SLIT3: variants seen among roughly 807,000 people sequenced by gnomAD.
The protein encoded by SLIT3 is slit guidance ligand 3.
SLIT3 carries 68 observed loss-of-function variants against 184.0 expected under a neutral mutation model. That is an observed-to-expected ratio of 0.37 (90% CI 0.30 to 0.45). The LOEUF (loss-of-function observed/expected upper bound fraction) is 0.45, where lower values mean the gene tolerates loss of function less well. Ranked by LOEUF, SLIT3 falls within the 20% of genes least tolerant of loss-of-function variation. The probability of loss-of-function intolerance (pLI) is 1.00; values close to 1 mark genes in which losing one functional copy is unlikely to be tolerated. For synonymous variants in SLIT3, 831 were observed against 828.6 expected, an observed-to-expected ratio of 1.00 and a Z score of -0.05; for missense variants, 1,707 against 2,026.0, an observed-to-expected ratio of 0.84 and a Z score of 3.02.
intron 3 of SLIT3, among the ~76,000 whole-genome samples, chr5:169,232,955 A>C (rs1047486548): frequency 6.6e-6 from 1 of 152,104 alleles, no homozygotes; most frequent in Non-Finnish European, 1.5e-5. Flanking sequence ...TTCTTCCAGT[A>C]ATGTCTGTCT....
chr5:169,190,909 A>T (rs923795316), intron 4 of SLIT3, among the ~76,000 whole-genome samples: 1 of 152,226 alleles, frequency 6.6e-6, no homozygotes, highest in Admixed American at 6.5e-5. Context: ...GAGGGCCATT[A>T]AGAAAAATCA....
At chr5:168,914,599 C>T (rs1316164555) in intron 4 of SLIT3, among the ~76,000 whole-genome samples, 1 of 152,184 alleles carries the variant, frequency 6.6e-6, no homozygotes, top group African/African-American at 2.4e-5. Context: ...CCAACTCTGC[C>T]ACTCGTTTTG....
intron 4 of SLIT3, among the ~76,000 whole-genome samples, chr5:169,093,885 A>G (rs1415162347): frequency 6.6e-6 from 1 of 152,234 alleles, no homozygotes; most frequent in African/African-American, 2.4e-5. Context: ...AGTAAAAATT[A>G]TTTCTTAAAA....
intron 2 of SLIT3, among the ~76,000 whole-genome samples, chr5:169,246,232 C>A (rs1765584834): frequency 6.6e-6 from 1 of 152,186 alleles, no homozygotes; most frequent in African/African-American, 2.4e-5. Flanking sequence ...GGGTCCCCAG[C>A]CCCACAGTTT....
chr5:169,169,312 G>T (rs1226340063), intron 4 of SLIT3, among the ~76,000 whole-genome samples: 1 of 152,060 alleles, frequency 6.6e-6, no homozygotes, highest in East Asian at 1.9e-4. Flanking sequence ...AATCCGAGTG[G>T]GCATCCAGGA....
chr5:168,722,263 G>A lies in SLIT3; in HGVS notation c.2476C>T (p.Arg826Ter). 2 of 1,613,954 alleles carry A rather than the reference G, an allele frequency of 1.2e-6. No homozygotes were observed. The highest frequency in any genetic ancestry group is 1.3e-5 in the African/African-American group (1 of 75,012). Residue 826 changes from arginine (R) to a stop codon, truncating the protein, a stop_gained, in exon 23 of 36, where the codon CGA becomes TGA. Transcript: ENST00000519560. LOFTEE classifies it high-confidence loss of function. Reference sequence around the variant, plus strand: ...GCACATTGGGGTACTCACAGCACTCGCAGGGACCGCAGCCCGTTGAAGGCG... The same window carrying A: ...GCACATTGGGGTACTCACAGCACTCACAGGGACCGCAGCCCGTTGAAGGCG... Reference protein sequence around the residue: ...VHAFNGLRSLRVLTLHGNDIS... With the variant: ...VHAFNGLRSL
At chr5:168,749,770 G>T (rs917095168) in intron 18 of SLIT3, 135 bp from the exon 19 acceptor site, 5 of 860,766 alleles carry the variant, frequency 5.8e-6, no homozygotes, top group Non-Finnish European at 9.0e-6. Flanking sequence ...TTCCCCAGAT[G>T]CAGTCTCTGT....
intron 4 of SLIT3, among the ~76,000 whole-genome samples, chr5:169,029,548 G>A (rs1377809722): frequency 6.6e-6 from 1 of 152,188 alleles, no homozygotes; most frequent in African/African-American, 2.4e-5. Context: ...GAGAAACTAA[G>A]CAAGAAATGA....
At chr5:169,162,854 G>C (rs1762522225) in intron 4 of SLIT3, among the ~76,000 whole-genome samples, 1 of 152,184 alleles carries the variant, frequency 6.6e-6, no homozygotes, top group Non-Finnish European at 1.5e-5. Flanking sequence ...ATTAAGATCT[G>C]TCAGCCAGGT....
At chr5:169,267,192 T>C (rs753939360) in intron 1 of SLIT3, among the ~76,000 whole-genome samples, 1 of 152,114 alleles carries the variant, frequency 6.6e-6, no homozygotes, top group African/African-American at 2.4e-5. Flanking sequence ...CACCTGTCTA[T>C]GGTCACAAGC....
chr5:168,784,779 A>T (rs146735331), intron 12 of SLIT3, among the ~76,000 whole-genome samples: 1 of 151,964 alleles, frequency 6.6e-6, no homozygotes, highest in Non-Finnish European at 1.5e-5. Flanking sequence ...CCACAAACCC[A>T]TGCTGTGGGT....
At chr5:168,834,525 C>G (rs975618345) in intron 6 of SLIT3, among the ~76,000 whole-genome samples, 1 of 151,206 alleles carries the variant, frequency 6.6e-6, no homozygotes, top group Non-Finnish European at 1.5e-5. Context: ...AACCCCGTCT[C>G]TACTAAAAAT....
At chr5:168,697,712 C>T (rs917221464) in intron 27 of SLIT3, among the ~76,000 whole-genome samples, 1 of 152,172 alleles carries the variant, frequency 6.6e-6, no homozygotes, top group Non-Finnish European at 1.5e-5. Context: ...CTACAAAAGG[C>T]CAGGGGCCTC....
At chr5:168,744,141 T>C (rs557959644) in intron 20 of SLIT3, among the ~76,000 whole-genome samples, 1 of 152,112 alleles carries the variant, frequency 6.6e-6, no homozygotes, top group East Asian at 1.9e-4. Flanking sequence ...TACAAAAAAT[T>C]AGCCGGGCGT....
intron 20 of SLIT3, among the ~76,000 whole-genome samples, chr5:168,742,293 C>T (rs1311487604): frequency 6.6e-6 from 1 of 151,240 alleles, no homozygotes; most frequent in Non-Finnish European, 1.5e-5. Flanking sequence ...GCTTCCCCAT[C>T]GCAGGCTAGC....
At position 168,823,253 on chromosome 5, in the gene SLIT3, T is replaced by A; in HGVS notation, c.629+7A>T. The A allele has an allele frequency of 6.2e-7, 1 of 1,611,924 alleles. No individual in the cohort carries two copies. Among genetic ancestry groups the A allele is most frequent in the East Asian group, 2.2e-5 (1 of 44,858 alleles). On this transcript the variant is annotated splice_region_variant and intron_variant, in intron 7 of 35. Coordinates refer to ENST00000519560, the MANE Select transcript of SLIT3 (RefSeq NM_003062.4). The stretch of plus-strand genomic sequence containing the variant: ...AAATGGGAGAGATGCACAGACTTCT[T>A]ACTCACAGAGTTCGGATCTTCGGCA...
At chr5:169,282,806 C>T (rs1650096960) in intron 1 of SLIT3, among the ~76,000 whole-genome samples, 1 of 152,162 alleles carries the variant, frequency 6.6e-6, no homozygotes, top group Non-Finnish European at 1.5e-5. Context: ...CATATCTTAC[C>T]TCATTTATTC....
intron 4 of SLIT3, among the ~76,000 whole-genome samples, chr5:169,115,659 A>T (rs764593688): frequency 3.3e-5 from 5 of 152,230 alleles, no homozygotes; most frequent in Admixed American, 6.5e-5. Flanking sequence ...GATGATGATA[A>T]TGATAATCAT....
intron 4 of SLIT3, among the ~76,000 whole-genome samples, chr5:168,932,460 G>A (rs1762022284): frequency 6.6e-6 from 1 of 151,648 alleles, no homozygotes; most frequent in African/African-American, 2.4e-5. Flanking sequence ...GAGACAGAAA[G>A]ACTAGGAGGT....
Sources: allele counts gnomAD v4.1 joint callset (sites outside exome capture counted in the v4.1 genomes callset), GRCh38; gene constraint gnomAD v4.1.1; transcripts MANE v1.5; gene names NCBI Gene and HGNC (gene_info 2026-07-23, HGNC 2026-07-21).